The following TSPAN15 variants were observed in gnomAD, a reference collection of about 807,000 sequenced individuals.
TSPAN15 encodes the protein tetraspanin-15.
A neutral mutation model predicts 34.5 loss-of-function variants in TSPAN15; 20 were observed. The ratio of observed to expected loss-of-function variants is 0.58; its 90% confidence interval spans 0.41 to 0.84. The LOEUF (loss-of-function observed/expected upper bound fraction) is 0.84, where lower values mean the gene tolerates loss of function less well. TSPAN15 is among the 40% of genes least tolerant of loss of function. TSPAN15 has a pLI of 0.00. For synonymous variants in TSPAN15, 155 were observed against 153.9 expected (o/e 1.01, Z -0.05); for missense variants, 313 against 386.1 (o/e 0.81, Z 1.59).
At chr10:69,543,844 A>AGTGTGTGTGTGTGTGTGT in the TSPAN15 span, among the ~76,000 whole-genome samples, 116 of 73,806 alleles carry the variant, frequency 1.6e-3, 1 homozygote, top group East Asian at 3.6e-3. Flanking sequence ...GAAGAAGGGG[A>AGTGTGTGTGTGTGTGTGT]GTGTGTGTGT....
chr10:69,544,251 T>C, the TSPAN15 span, among the ~76,000 whole-genome samples: 1 of 152,222 alleles, frequency 6.6e-6, no homozygotes, highest in African/African-American at 2.4e-5. Flanking sequence ...AAGTGTATTA[T>C]TTAAGCTCAG....
the TSPAN15 span, among the ~76,000 whole-genome samples, chr10:69,515,484 G>A: frequency 1.3e-5 from 2 of 150,512 alleles, no homozygotes; most frequent in South Asian, 2.1e-4. Context: ...ATTTCAATTC[G>A]GTGTGTGGAG....
At chr10:69,512,435 A>G (rs1187689157), downstream of TSPAN15, among the ~76,000 whole-genome samples, 1 of 152,250 alleles carries the variant, frequency 6.6e-6, no homozygotes, top group Non-Finnish European at 1.5e-5. Context: ...ATTTTTAACA[A>G]TTTATGGAGG....
chr10:69,533,242 T>C, the TSPAN15 span, among the ~76,000 whole-genome samples: 1 of 152,048 alleles, frequency 6.6e-6, no homozygotes, highest in Non-Finnish European at 1.5e-5. Flanking sequence ...CAATTTGCAA[T>C]TGCAAAATCA....
the TSPAN15 span, among the ~76,000 whole-genome samples, chr10:69,547,397 G>A: frequency 6.6e-6 from 1 of 152,324 alleles, no homozygotes; most frequent in East Asian, 1.9e-4. Context: ...TCACTGCTGG[G>A]AGAGATAAAC....
At chr10:69,491,220 C>A (rs993452012) in intron 3 of TSPAN15, among the ~76,000 whole-genome samples, 1 of 152,174 alleles carries the variant, frequency 6.6e-6, no homozygotes, top group Non-Finnish European at 1.5e-5. Flanking sequence ...TCACATTGGG[C>A]TTCTATTGGG....
At chr10:69,462,990 A>G (rs1403511111) in intron 1 of TSPAN15, among the ~76,000 whole-genome samples, 1 of 152,126 alleles carries the variant, frequency 6.6e-6, no homozygotes, top group African/African-American at 2.4e-5. Context: ...GTGGGAGACT[A>G]TGGGAGCTGG....
chr10:69,466,623 G>T lies in TSPAN15; in HGVS notation c.96+14933G>T, dbSNP rs190345031. On this transcript the variant is annotated intron_variant, in intron 1 of 7. Transcript: ENST00000373290. ...AATAATGCAAGTAGCTGGCCAACCTGACCACGTGGAGACGTGATAGGAGAA... is the reference window on the plus strand; with the variant it reads ...AATAATGCAAGTAGCTGGCCAACCTTACCACGTGGAGACGTGATAGGAGAA... 1.0e-2 allele frequency among the ~76,000 whole-genome samples: 1,517 copies of T among 152,252 alleles called. 27 individuals are homozygous for T. The highest frequency in any genetic ancestry group is 0.035 in the African/African-American group (1,433 of 41,524).
chr10:69,535,141 G>A, the TSPAN15 span, among the ~76,000 whole-genome samples: 2 of 152,068 alleles, frequency 1.3e-5, no homozygotes, highest in African/African-American at 4.8e-5. Context: ...ACCCAAATGC[G>A]GTGAGCATTC....
chr10:69,494,970 G>A (rs1842047123), intron 3 of TSPAN15: 2 of 707,800 alleles, frequency 2.8e-6, no homozygotes. Flanking sequence ...TCCCGGCAGG[G>A]ATTGTCCCAG....
chr10:69,547,285 C>T, the TSPAN15 span, among the ~76,000 whole-genome samples: 1 of 152,234 alleles, frequency 6.6e-6, no homozygotes, highest in South Asian at 2.1e-4. Flanking sequence ...CCCTATACCC[C>T]ACTATAGGCA....
chr10:69,524,260 G>A, the TSPAN15 span, among the ~76,000 whole-genome samples: 16 of 147,406 alleles, frequency 1.1e-4, 4 homozygotes, highest in East Asian at 4.1e-3. Context: ...CTGGAAGCCA[G>A]TAGTTCAAGA....
chr10:69,451,737 TC>T (rs1292318028), intron 1 of TSPAN15, 47 bp downstream of exon 1: 1 of 1,367,136 alleles, frequency 7.3e-7, no homozygotes, highest in Non-Finnish European at 9.6e-7. Context: ...GGACCCACAA[TC>T]CGGCCGCCCC....
chr10:69,483,588 G>A (rs1841784439), intron 1 of TSPAN15, 103 bp from the exon 2 acceptor site: 8 of 1,319,100 alleles, frequency 6.1e-6, no homozygotes, highest in Non-Finnish European at 7.2e-6. Context: ...TGTAACCTGG[G>A]GCAAGCCTCC....
chr10:69,517,934 G>A, the TSPAN15 span, among the ~76,000 whole-genome samples: 10 of 152,354 alleles, frequency 6.6e-5, no homozygotes, highest in East Asian at 1.2e-3. Context: ...CGAGGATTGC[G>A]TCTTACGATC....
chr10:69,526,073 G>A, the TSPAN15 span, among the ~76,000 whole-genome samples: 8 of 146,222 alleles, frequency 5.5e-5, 1 homozygote, highest in Non-Finnish European at 1.1e-4. Flanking sequence ...AAACAAGCCC[G>A]GATAAGATTG....
At chr10:69,523,354 A>G in the TSPAN15 span, 1 of 554,898 alleles carries the variant, frequency 1.8e-6, no homozygotes, top group South Asian at 1.8e-5. Flanking sequence ...GCTCCCTCCC[A>G]CAGGGGCCAA....
At chr10:69,543,288 A>G in the TSPAN15 span, among the ~76,000 whole-genome samples, 1 of 152,220 alleles carries the variant, frequency 6.6e-6, no homozygotes, top group African/African-American at 2.4e-5. Context: ...CCCCAGTGTC[A>G]GCCCTTTGCA....
At chr10:69,535,536 C>T in the TSPAN15 span, among the ~76,000 whole-genome samples, 1 of 152,212 alleles carries the variant, frequency 6.6e-6, no homozygotes, top group Non-Finnish European at 1.5e-5. Flanking sequence ...TGCCACTTCT[C>T]TTATATGAAC....
Sources: gnomAD v4.1 joint callset for allele counts (sites outside exome capture counted in the v4.1 genomes callset) on GRCh38, gnomAD v4.1.1 for gene constraint, MANE v1.5 for transcripts, NCBI Gene and HGNC (gene_info 2026-07-23, HGNC 2026-07-21) for gene names.